Variants in PDE4D observed in about 807,000 individuals in gnomAD.
PDE4D encodes 3',5'-cyclic-AMP phosphodiesterase 4D.
PDE4D carries 24 observed loss-of-function variants against 87.4 expected under a neutral mutation model. That is an observed-to-expected ratio of 0.27 (90% CI 0.20 to 0.39). The LOEUF is 0.39. Among genes scored for constraint, PDE4D ranks in the 10% least tolerant of loss-of-function variants. PDE4D has a pLI of 1.00. For synonymous variants in PDE4D, 384 were observed against 383.2 expected (o/e 1.00, Z -0.02); for missense variants, 714 against 1,041.0 (o/e 0.69, Z 4.32).
chr5:59,519,039 C>A (rs1462332427), intron 1 of PDE4D, among the ~76,000 whole-genome samples: 1 of 152,174 alleles, frequency 6.6e-6, no homozygotes, highest in African/African-American at 2.4e-5. Flanking sequence ...CAACATGAGA[C>A]TTTCTGCTGT....
chr5:60,004,623 G>C (rs1382105968), intron 2 of PDE4D, among the ~76,000 whole-genome samples: 4 of 151,948 alleles, frequency 2.6e-5, no homozygotes, highest in Admixed American at 2.6e-4. Context: ...CAACTCAATA[G>C]CAAACACTCC....
chr5:60,048,317 C>A (rs1358293858), intron 2 of PDE4D, among the ~76,000 whole-genome samples: 1 of 152,176 alleles, frequency 6.6e-6, no homozygotes, highest in Non-Finnish European at 1.5e-5. Context: ...GACTCTGTAT[C>A]CAATTTGCCA....
intron 1 of PDE4D, among the ~76,000 whole-genome samples, chr5:59,615,745 A>C (rs1369157023): frequency 6.6e-6 from 1 of 152,024 alleles, no homozygotes; most frequent in Non-Finnish European, 1.5e-5. Context: ...TTTGAATGTG[A>C]CCCTAGTAAG....
intron 1 of PDE4D, among the ~76,000 whole-genome samples, chr5:59,784,177 A>T (rs1399547442): frequency 6.6e-6 from 1 of 152,056 alleles, no homozygotes; most frequent in East Asian, 1.9e-4. Flanking sequence ...GTTCCCTCCC[A>T]TAACCCACAG....
At chr5:59,693,315 T>C (rs1020135843) in intron 1 of PDE4D, among the ~76,000 whole-genome samples, 4 of 152,044 alleles carry the variant, frequency 2.6e-5, no homozygotes, top group African/African-American at 9.7e-5. Flanking sequence ...ATGTCCAGAA[T>C]CTTTACCAAA....
At position 59,332,880 on chromosome 5, in the gene PDE4D, G is replaced by A. The variant is rs550258684; in HGVS notation, c.456-116912C>T. Among the ~76,000 whole-genome samples, 10 of 152,230 alleles carry A rather than the reference G, an allele frequency of 6.6e-5. 1 individual carries two copies. Among genetic ancestry groups the A allele is most frequent in the South Asian group, 6.2e-4 (3 of 4,826 alleles). ...GTGACACAGACATGATCATCTGGAC[G>A]TGCAGTAGCCATTTGCCATCAAGAG... On this transcript the variant is annotated intron_variant, in intron 1 of 14. Transcript: ENST00000340635.
chr5:59,255,486 T>A (rs972232986), intron 1 of PDE4D, among the ~76,000 whole-genome samples: 1 of 152,042 alleles, frequency 6.6e-6, no homozygotes, highest in African/African-American at 2.4e-5. Flanking sequence ...TTTCTTATAG[T>A]GGTAGTAAAA....
rs1751095599 is a variant in PDE4D at position 59,215,684 on chromosome 5, A to G, written c.647+93T>C. The G allele has an allele frequency of 2.9e-6, 3 of 1,031,742 alleles. No individual in the cohort carries two copies. In the African/African-American group the frequency reaches 4.7e-5, roughly 16 times the overall value. The allele number at this position is 1,031,742 out of a possible 1,614,324, so 63.9% of individuals were successfully genotyped here. On this transcript the variant is annotated intron_variant, in intron 2 of 14. Coordinates refer to ENST00000340635, the MANE Select transcript of PDE4D (RefSeq NM_001104631.2). ...TCTTTCTACATTGGAGGAGAGTGAT[A>G]CAGTTGAACAAAAGTCATTAGTTTT...
chr5:60,427,332 T>C (rs140110652), intron 1 of PDE4D, among the ~76,000 whole-genome samples: 198 of 152,074 alleles, frequency 1.3e-3, no homozygotes, highest in African/African-American at 4.5e-3. Flanking sequence ...TTACGTACAG[T>C]TGAACAAGGA....
chr5:59,953,795 G>A (rs1581891011), intron 3 of PDE4D, among the ~76,000 whole-genome samples: 1 of 152,134 alleles, frequency 6.6e-6, no homozygotes, highest in African/African-American at 2.4e-5. Context: ...AATTTAAACT[G>A]TACATATTTG....
chr5:60,009,639 A>G (rs902368523), intron 2 of PDE4D, among the ~76,000 whole-genome samples: 2 of 152,084 alleles, frequency 1.3e-5, no homozygotes, highest in African/African-American at 2.4e-5. Context: ...TGAGCATACA[A>G]AAGGACAGTT....
chr5:59,066,492 G>A (rs1763958695), intron 5 of PDE4D, among the ~76,000 whole-genome samples: 1 of 152,150 alleles, frequency 6.6e-6, no homozygotes, highest in Non-Finnish European at 1.5e-5. Flanking sequence ...TGTTACAGCA[G>A]AATGCATGTG....
intron 1 of PDE4D, among the ~76,000 whole-genome samples, chr5:60,449,466 G>T: frequency 7.2e-6 from 1 of 139,188 alleles, no homozygotes; most frequent in Non-Finnish European, 1.5e-5. Flanking sequence ...ACACAGGAAG[G>T]GGAACATCAC....
rs899225765 is a variant in PDE4D, at chr5:60,243,254, A to G, written c.-89-57567T>C. 2.6e-5 allele frequency among the ~76,000 whole-genome samples: 4 copies of G among 151,918 alleles called. No homozygotes were observed. In the East Asian group the frequency reaches 7.7e-4, roughly 29 times the overall value. On this transcript the variant is annotated intron_variant, in intron 1 of 16. Coordinates refer to the PDE4D transcript ENST00000502484. ...ACAAATTCCTAGACACATACAACCT[A>G]CAATGGCTGAACCAGGAACAAATCC...
intron 1 of PDE4D, among the ~76,000 whole-genome samples, chr5:60,504,780 G>C (rs1750252130): frequency 2.6e-5 from 4 of 152,136 alleles, no homozygotes; most frequent in Admixed American, 1.3e-4. Flanking sequence ...GAAAAATGGG[G>C]ATATTCTTTT....
intron 2 of PDE4D, among the ~76,000 whole-genome samples, chr5:60,089,473 T>A (rs1309660419): frequency 6.6e-6 from 1 of 151,572 alleles, no homozygotes. Flanking sequence ...AAAAGGAAAT[T>A]TAAAAAATTT....
At chr5:59,062,729 A>G (rs1180777678) in intron 5 of PDE4D, among the ~76,000 whole-genome samples, 1 of 134,156 alleles carries the variant, frequency 7.5e-6, no homozygotes, top group East Asian at 2.5e-4. Context: ...TGCACTACCC[A>G]TGAAGCTTTC....
Position 59,768,751 on chromosome 5 carries a change from C to T in PDE4D, c.455+124417G>A, listed in dbSNP as rs964057632. On this transcript the variant is annotated intron_variant, in intron 1 of 14. Coordinates refer to ENST00000340635, the MANE Select transcript of PDE4D (RefSeq NM_001104631.2). The stretch of plus-strand genomic sequence containing the variant: ...GCCCCTGCCAAAGATCACTGACAAG[C>T]TCGCATAGCAAATGAACAAGGAGGG... 5.5e-6 allele frequency: 5 copies of T among 908,334 alleles called. No homozygotes were observed. In the South Asian group the frequency reaches 9.6e-5, roughly 17 times the overall value. 56.3% of individuals were successfully genotyped at this position (908,334 alleles called of 1,614,324 possible).
At chr5:59,516,042 ATTATT>A (rs1391957336) in intron 1 of PDE4D, among the ~76,000 whole-genome samples, 4 of 152,210 alleles carry the variant, frequency 2.6e-5, no homozygotes, top group Non-Finnish European at 5.9e-5. Context: ...GAAGGGAAAC[ATTATT>A]TTAACTGTGA....
Sources: allele counts gnomAD v4.1 joint callset (sites outside exome capture counted in the v4.1 genomes callset), GRCh38; gene constraint gnomAD v4.1.1; transcripts MANE v1.5; gene names NCBI Gene and HGNC (gene_info 2026-07-23, HGNC 2026-07-21).